LUZP2: variants seen among roughly 807,000 people sequenced by gnomAD.
LUZP2 encodes leucine zipper protein 2.
A neutral mutation model predicts 51.6 loss-of-function variants in LUZP2; 52 were observed. That is an observed-to-expected ratio of 1.01 (90% confidence interval 0.81 to 1.27). LUZP2 has a LOEUF of 1.27. Among genes scored for constraint, LUZP2 ranks in the 50% most tolerant of loss-of-function variants. The pLI is 0.00. For missense variants in LUZP2, 436 were observed against 395.4 expected, an observed-to-expected ratio of 1.10 and a Z score of -0.87; for synonymous variants, 154 against 137.3, an observed-to-expected ratio of 1.12 and a Z score of -0.85.
chr11:24,602,206 G>GTGTATATATGTATATATGTACATATA (rs1565020777), intron 1 of LUZP2, among the ~76,000 whole-genome samples: 186 of 67,404 alleles, frequency 2.8e-3, no homozygotes, highest in South Asian at 4.2e-3. Flanking sequence ...GTACATATAT[G>GTGTATATATGTATATATGTACATATA]TGTATATATG....
intron 9 of LUZP2, among the ~76,000 whole-genome samples, chr11:25,048,185 A>C (rs1858380521): frequency 6.6e-6 from 1 of 152,094 alleles, no homozygotes; most frequent in Non-Finnish European, 1.5e-5. Flanking sequence ...TTAGTATTTT[A>C]AATCATGCTT....
At chr11:24,795,862 CCTGT>C (rs1849533005) in intron 5 of LUZP2, among the ~76,000 whole-genome samples, 1 of 152,144 alleles carries the variant, frequency 6.6e-6, no homozygotes. Context: ...CCTGCCTAAT[CCTGT>C]CTGTCTATAG....
chr11:25,065,075 T>C lies in LUZP2; in HGVS notation c.859-12254T>C, dbSNP rs139835341. Reference sequence around the variant, plus strand: ...TGTTCTGACTTCCTACAAAACACAATTCACTTAGTGAATTCTTTCTTAAAT... The same window carrying C: ...TGTTCTGACTTCCTACAAAACACAACTCACTTAGTGAATTCTTTCTTAAAT... On this transcript the variant is annotated intron_variant, in intron 10 of 11. Transcript: ENST00000336930. Among the ~76,000 whole-genome samples, 496 of 152,152 alleles carry C rather than the reference T, an allele frequency of 3.3e-3. 3 individuals carry two copies. Among genetic ancestry groups the C allele is most frequent in the African/African-American group, 0.011 (460 of 41,546 alleles).
chr11:24,654,879 A>G (rs1855754635), intron 1 of LUZP2, among the ~76,000 whole-genome samples: 1 of 151,730 alleles, frequency 6.6e-6, no homozygotes, highest in African/African-American at 2.4e-5. Flanking sequence ...AATTTAGTGG[A>G]AAGATTTTTT....
chr11:24,999,322 G>T (rs1368544527), intron 9 of LUZP2, among the ~76,000 whole-genome samples: 1 of 151,858 alleles, frequency 6.6e-6, no homozygotes, highest in East Asian at 1.9e-4. Context: ...GAGAAGGGAA[G>T]AAGAAGGGGA....
At chr11:24,600,894 C>A (rs1335849062) in intron 1 of LUZP2, among the ~76,000 whole-genome samples, 1 of 152,036 alleles carries the variant, frequency 6.6e-6, no homozygotes, top group Non-Finnish European at 1.5e-5. Flanking sequence ...ATGTCGTTGG[C>A]AGGATTTTCA....
At chr11:24,908,798 C>G (rs1359097507) in intron 6 of LUZP2, among the ~76,000 whole-genome samples, 2 of 149,898 alleles carry the variant, frequency 1.3e-5, no homozygotes, top group Non-Finnish European at 1.5e-5. Context: ...CTCTGTTGCC[C>G]AGGCTGGAGT....
chr11:24,958,059 T>C (rs1167807508), intron 7 of LUZP2, among the ~76,000 whole-genome samples: 3 of 152,204 alleles, frequency 2.0e-5, no homozygotes, highest in African/African-American at 7.2e-5. Flanking sequence ...GCTTCATCCA[T>C]GTCCCTACAA....
At chr11:24,943,625 C>T (rs1442941052) in intron 7 of LUZP2, among the ~76,000 whole-genome samples, 1 of 152,086 alleles carries the variant, frequency 6.6e-6, no homozygotes, top group Non-Finnish European at 1.5e-5. Context: ...TGCCTGTAAT[C>T]CCAGCACTTT....
intron 7 of LUZP2, among the ~76,000 whole-genome samples, chr11:24,938,410 A>G (rs548188248): frequency 1.3e-5 from 2 of 152,326 alleles, no homozygotes; most frequent in East Asian, 3.9e-4. Flanking sequence ...TGTGGGAATA[A>G]TAGTCAGAAA....
chr11:24,647,691 G>T (rs889630559), intron 1 of LUZP2, among the ~76,000 whole-genome samples: 9 of 151,680 alleles, frequency 5.9e-5, no homozygotes, highest in African/African-American at 9.7e-5. Flanking sequence ...CTTATTTTTT[G>T]ATTTGTTTAG....
At chr11:24,856,537 A>G (rs1267364245) in intron 5 of LUZP2, among the ~76,000 whole-genome samples, 1 of 152,102 alleles carries the variant, frequency 6.6e-6, no homozygotes, top group Non-Finnish European at 1.5e-5. Flanking sequence ...CAAAGAACTA[A>G]AAATAGAATT....
chr11:24,660,113 T>A (rs4561214), intron 1 of LUZP2, among the ~76,000 whole-genome samples: 1 of 151,986 alleles, frequency 6.6e-6, no homozygotes, highest in Non-Finnish European at 1.5e-5. Flanking sequence ...GAAGCGACCA[T>A]GCATTCTACA....
chr11:25,078,893 G>T lies in LUZP2; in HGVS notation c.*235G>T. On this transcript the variant is annotated 3_prime_UTR_variant, in exon 12 of 12. Coordinates refer to ENST00000336930, the MANE Select transcript of LUZP2 (RefSeq NM_001009909.4). ...AATATTTTGTTGTCAACAGTAAATT[G>T]TCCCATATAAATTGGTCTGGTTTAA... The T allele has an allele frequency of 2.4e-6, 1 of 418,946 alleles. No homozygotes were observed. The highest frequency in any genetic ancestry group is 3.4e-5 in the South Asian group (1 of 29,520). The allele number at this position is 418,946 out of a possible 1,614,324, so 26.0% of individuals were successfully genotyped here. A position where few individuals can be genotyped will look rare whatever the true frequency, so the allele number is the denominator to read the frequency against.
intron 7 of LUZP2, among the ~76,000 whole-genome samples, chr11:24,924,529 A>G (rs1187813014): frequency 6.6e-6 from 1 of 152,146 alleles, no homozygotes; most frequent in Admixed American, 6.5e-5. Context: ...CTGGACATTT[A>G]CTCAACCTTG....
chr11:24,880,750 G>GTGTA (rs1852435438), intron 5 of LUZP2, among the ~76,000 whole-genome samples: 1 of 152,050 alleles, frequency 6.6e-6, no homozygotes, highest in African/African-American at 2.4e-5. Context: ...GTGTGTGTGT[G>GTGTA]TGTGTATGTG....
chr11:24,821,654 G>C lies in LUZP2; in HGVS notation c.396+58346G>C, dbSNP rs557875806. On this transcript the variant is annotated intron_variant, in intron 5 of 11. Transcript: ENST00000336930. The stretch of plus-strand genomic sequence containing the variant: ...CTTCTGTCAGTTACTGGCCTCCTTG[G>C]GGGTAAAATTACCTTCAATGCAGAC... 7.9e-5 allele frequency among the ~76,000 whole-genome samples: 12 copies of C among 152,016 alleles called. No homozygotes were observed. In the East Asian group the frequency reaches 1.4e-3, roughly 17 times the overall value.
At chr11:24,555,083 G>A (rs960125750) in intron 1 of LUZP2, among the ~76,000 whole-genome samples, 1 of 117,652 alleles carries the variant, frequency 8.5e-6, no homozygotes, top group African/African-American at 3.2e-5. Flanking sequence ...TTGTAAGGCT[G>A]ATAACCCAAA....
At chr11:24,563,755 TA>T (rs150458694) in intron 1 of LUZP2, among the ~76,000 whole-genome samples, 6 of 151,620 alleles carry the variant, frequency 4.0e-5, no homozygotes, top group South Asian at 2.1e-4. Flanking sequence ...TAGAAACATT[TA>T]AAAAAAAACT....
Sources: allele counts gnomAD v4.1 joint callset (sites outside exome capture counted in the v4.1 genomes callset), GRCh38; gene constraint gnomAD v4.1.1; transcripts MANE v1.5; gene names NCBI Gene and HGNC (gene_info 2026-07-23, HGNC 2026-07-21).